SEMA6D: variants seen among roughly 807,000 people sequenced by gnomAD.
The protein encoded by SEMA6D is semaphorin 6D.
A neutral mutation model predicts 106.6 loss-of-function variants in SEMA6D; 35 were observed. That is an observed-to-expected ratio of 0.33 (90% CI 0.25 to 0.44). The LOEUF (loss-of-function observed/expected upper bound fraction) is 0.44, where lower values mean the gene tolerates loss of function less well. SEMA6D is among the 20% of genes least tolerant of loss of function. The pLI, the probability that SEMA6D is intolerant of heterozygous loss-of-function variation, is 1.00. For missense variants in SEMA6D, 1,185 were observed against 1,345.9 expected, an observed-to-expected ratio of 0.88 and a Z score of 1.87; for synonymous variants, 499 against 487.7, an observed-to-expected ratio of 1.02 and a Z score of -0.31.
intron 3 of SEMA6D, among the ~76,000 whole-genome samples, chr15:47,544,476 A>G (rs956418596): frequency 6.6e-6 from 1 of 152,202 alleles, no homozygotes. Context: ...TAAGTTAAAA[A>G]TACTGTGGTC....
chr15:47,332,984 A>T (rs552729656), intron 1 of SEMA6D, among the ~76,000 whole-genome samples: 8 of 152,342 alleles, frequency 5.3e-5, no homozygotes, highest in Non-Finnish European at 1.0e-4. Flanking sequence ...AGAAAGTCAC[A>T]GCTCAACAGA....
chr15:47,248,421 C>T (rs955891442), intron 1 of SEMA6D, among the ~76,000 whole-genome samples: 4 of 152,070 alleles, frequency 2.6e-5, no homozygotes, highest in African/African-American at 9.7e-5. Flanking sequence ...ATGGTCATTC[C>T]CCGTCCTACA....
chr15:47,242,802 C>G (rs959846140), intron 1 of SEMA6D, among the ~76,000 whole-genome samples: 1 of 152,082 alleles, frequency 6.6e-6, no homozygotes. Flanking sequence ...GTAGAGGTGA[C>G]TCTCATTAAC....
intron 3 of SEMA6D, among the ~76,000 whole-genome samples, chr15:47,533,093 T>C (rs1623020): frequency 0.51 from 77,250 of 151,994 alleles, 21,118 homozygotes; most frequent in African/African-American, 0.73. Flanking sequence ...CCACTGATAA[T>C]CCGTAGGCTG....
intron 1 of SEMA6D, among the ~76,000 whole-genome samples, chr15:47,191,852 G>A (rs1053406712): frequency 4.6e-5 from 7 of 152,138 alleles, no homozygotes; most frequent in African/African-American, 1.7e-4. Context: ...AGTAGTCTCT[G>A]TTATAGAGTT....
intron 4 of SEMA6D, among the ~76,000 whole-genome samples, chr15:47,642,377 AT>A (rs966582686): frequency 3.3e-5 from 5 of 151,742 alleles, no homozygotes; most frequent in African/African-American, 7.2e-5. Context: ...ACTCTACGTG[AT>A]TTTTTTTTAC....
intron 1 of SEMA6D, among the ~76,000 whole-genome samples, 176 bp from the exon 2 acceptor site, chr15:47,759,569 C>G (rs2081954611): frequency 6.6e-6 from 1 of 152,196 alleles, no homozygotes; most frequent in Admixed American, 6.5e-5. Flanking sequence ...TTAATCAGGC[C>G]TGGCATGTTG....
intron 1 of SEMA6D, among the ~76,000 whole-genome samples, chr15:47,229,828 A>G (rs2141549194): frequency 6.6e-6 from 1 of 152,190 alleles, no homozygotes; most frequent in East Asian, 1.9e-4. Context: ...TCTTCTCTAG[A>G]AGACTGATAA....
chr15:47,433,833 C>T (rs183022342), intron 2 of SEMA6D, among the ~76,000 whole-genome samples: 83 of 152,064 alleles, frequency 5.5e-4, no homozygotes, highest in African/African-American at 1.8e-3. Context: ...ATGTCACATT[C>T]GGTTCAATTA....
At chr15:47,254,713 C>A (rs1324651315) in intron 1 of SEMA6D, among the ~76,000 whole-genome samples, 1 of 151,952 alleles carries the variant, frequency 6.6e-6, no homozygotes, top group Non-Finnish European at 1.5e-5. Flanking sequence ...TGTGATGTAT[C>A]ATGTTTACTG....
chr15:47,315,162 G>A (rs1365182648), intron 1 of SEMA6D, among the ~76,000 whole-genome samples: 4 of 152,054 alleles, frequency 2.6e-5, no homozygotes, highest in Admixed American at 6.5e-5. Context: ...CACCGCGCCC[G>A]GCCCTAGGTT....
intron 4 of SEMA6D, among the ~76,000 whole-genome samples, chr15:47,608,555 T>C (rs1224630257): frequency 6.6e-6 from 1 of 152,174 alleles, no homozygotes; most frequent in Non-Finnish European, 1.5e-5. Flanking sequence ...CCTTCATAAT[T>C]TCTCTTCCCA....
intron 2 of SEMA6D, among the ~76,000 whole-genome samples, chr15:47,436,430 G>A (rs1246979410): frequency 3.3e-5 from 5 of 151,188 alleles, no homozygotes; most frequent in Non-Finnish European, 7.4e-5. Context: ...CTGTATTAAT[G>A]TGCTGAGATT....
intron 1 of SEMA6D, among the ~76,000 whole-genome samples, chr15:47,747,681 C>A (rs748311129): frequency 7.2e-5 from 11 of 152,150 alleles, no homozygotes; most frequent in Non-Finnish European, 1.0e-4. Context: ...TATCTACTAC[C>A]ACCTGCGCTT....
At chr15:47,289,443 C>G (rs919084070) in intron 1 of SEMA6D, among the ~76,000 whole-genome samples, 1 of 147,600 alleles carries the variant, frequency 6.8e-6, no homozygotes, top group African/African-American at 2.5e-5. Context: ...TTCAGTTCAG[C>G]ATATTTGTTT....
intron 1 of SEMA6D, among the ~76,000 whole-genome samples, chr15:47,304,196 C>A (rs982278419): frequency 3.3e-5 from 5 of 151,982 alleles, no homozygotes; most frequent in Non-Finnish European, 7.4e-5. Context: ...GGCACAGTGG[C>A]TCACACCTGT....
intron 4 of SEMA6D, among the ~76,000 whole-genome samples, chr15:47,629,438 T>C (rs988019484): frequency 6.6e-6 from 1 of 151,976 alleles, no homozygotes; most frequent in East Asian, 1.9e-4. Context: ...AAGGTTTTTT[T>C]CTCCTTTTAT....
chr15:47,722,987 A>G (rs2079511812), intron 1 of SEMA6D, among the ~76,000 whole-genome samples: 1 of 152,192 alleles, frequency 6.6e-6, no homozygotes, highest in Admixed American at 6.5e-5. Context: ...TGGTAGGGGC[A>G]GGATTTGAAC....
At chr15:47,438,680 G>A (rs1325678402) in intron 2 of SEMA6D, among the ~76,000 whole-genome samples, 1 of 151,708 alleles carries the variant, frequency 6.6e-6, no homozygotes, top group Non-Finnish European at 1.5e-5. Context: ...CTATAGGTTT[G>A]CTCAGATATC....
Sources: gnomAD v4.1 joint callset for allele counts (sites outside exome capture counted in the v4.1 genomes callset) on GRCh38, gnomAD v4.1.1 for gene constraint, MANE v1.5 for transcripts, NCBI Gene and HGNC (gene_info 2026-07-23, HGNC 2026-07-21) for gene names.